FGF14: variants seen among roughly 807,000 people sequenced by gnomAD.
FGF14 encodes the protein fibroblast growth factor homologous factor 4.
A neutral mutation model predicts 25.5 loss-of-function variants in FGF14; 5 were observed. The ratio of observed to expected loss-of-function variants is 0.20; its 90% confidence interval spans 0.10 to 0.41. FGF14 has a LOEUF of 0.41. Ranked by LOEUF, FGF14 falls within the 10% of genes least tolerant of loss-of-function variation. The pLI is 1.00. For synonymous variants in FGF14, 138 were observed against 118.3 expected (o/e 1.17, Z -1.08); for missense variants, 222 against 320.1 (o/e 0.69, Z 2.34).
At chr13:102,287,034 G>A (rs1284914837) in intron 1 of FGF14, among the ~76,000 whole-genome samples, 3 of 152,040 alleles carry the variant, frequency 2.0e-5, no homozygotes, top group Non-Finnish European at 2.9e-5. Context: ...TGTAAATGAC[G>A]AGTTAATGGA....
At chr13:101,966,740 C>T (rs966522751) in intron 1 of FGF14, among the ~76,000 whole-genome samples, 2 of 152,124 alleles carry the variant, frequency 1.3e-5, no homozygotes, top group Non-Finnish European at 2.9e-5. Flanking sequence ...CTCGGCCTCC[C>T]TAAGTGCTGG....
intron 1 of FGF14, among the ~76,000 whole-genome samples, chr13:101,953,335 C>T (rs113140157): frequency 0.019 from 2,837 of 152,128 alleles, 35 homozygotes; most frequent in Non-Finnish European, 0.03. Context: ...CAGTTGTCAA[C>T]TCTCTCTACT....
At chr13:101,742,965 C>T (rs929214040) in intron 3 of FGF14, among the ~76,000 whole-genome samples, 7 of 152,158 alleles carry the variant, frequency 4.6e-5, no homozygotes, top group Admixed American at 4.6e-4. Context: ...ATTGTGCATT[C>T]ACTGAAAGGC....
At chr13:101,882,549 T>TG (rs975139545) in intron 1 of FGF14, among the ~76,000 whole-genome samples, 3 of 130,434 alleles carry the variant, frequency 2.3e-5, no homozygotes, top group African/African-American at 9.6e-5. Context: ...ATATATTTTC[T>TG]GTTTTTTTTT....
chr13:101,775,263 T>G (rs1296011052), intron 3 of FGF14, among the ~76,000 whole-genome samples: 1 of 152,176 alleles, frequency 6.6e-6, no homozygotes, highest in African/African-American at 2.4e-5. Flanking sequence ...TATTTTCATT[T>G]TGGCACTTCT....
chr13:102,294,868 G>A (rs781155312), intron 1 of FGF14, among the ~76,000 whole-genome samples: 5 of 152,144 alleles, frequency 3.3e-5, no homozygotes, highest in African/African-American at 4.8e-5. Context: ...ACCTCCTGAG[G>A]TTACCGTGAG....
intron 1 of FGF14, among the ~76,000 whole-genome samples, chr13:102,319,102 T>C (rs891444815): frequency 6.6e-6 from 1 of 152,192 alleles, no homozygotes. Context: ...AGGCTCTGAA[T>C]TTGAAGTTGG....
At chr13:101,914,807 T>C (rs1329015505) in intron 1 of FGF14, among the ~76,000 whole-genome samples, 2 of 152,196 alleles carry the variant, frequency 1.3e-5, no homozygotes, top group Non-Finnish European at 2.9e-5. Flanking sequence ...ATTTACTTTA[T>C]GTAGACAGCC....
At chr13:102,044,158 C>T (rs376451656) in intron 1 of FGF14, among the ~76,000 whole-genome samples, 1 of 152,230 alleles carries the variant, frequency 6.6e-6, no homozygotes, top group African/African-American at 2.4e-5. Context: ...GGTCAAGACC[C>T]GGTTGGCCAG....
rs141187220 is a variant in FGF14, at chr13:102,105,300, C to T, written c.209-230004G>A. 2.6e-5 allele frequency among the ~76,000 whole-genome samples: 4 copies of T among 152,284 alleles called. No individual in the cohort carries two copies. In the East Asian group the frequency reaches 7.7e-4, roughly 29 times the overall value. On this transcript the variant is annotated intron_variant, in intron 1 of 4. Transcript: ENST00000376131. ...ATTTTTTTAAGAGAAAAGAAGAAAA[C>T]TGCTGCCAGTATTAAGTAGGTCTAG...
chr13:102,344,628 A>G (rs1457479612), intron 1 of FGF14, among the ~76,000 whole-genome samples: 1 of 152,192 alleles, frequency 6.6e-6, no homozygotes, highest in African/African-American at 2.4e-5. Flanking sequence ...ACTGCCTGTC[A>G]GTCTCTGGAT....
intron 1 of FGF14, among the ~76,000 whole-genome samples, chr13:102,190,902 C>T (rs1387384439): frequency 6.6e-6 from 1 of 152,128 alleles, no homozygotes; most frequent in Admixed American, 6.5e-5. Context: ...GCCCTACTCC[C>T]ATCCTCTCTT....
intron 1 of FGF14, among the ~76,000 whole-genome samples, chr13:101,904,522 T>C (rs2031993741): frequency 6.6e-6 from 1 of 152,188 alleles, no homozygotes; most frequent in Non-Finnish European, 1.5e-5. Flanking sequence ...GTTTCCTTTT[T>C]TAAAAAGTGA....
intron 1 of FGF14, among the ~76,000 whole-genome samples, chr13:102,205,727 G>T (rs2049876577): frequency 7.1e-6 from 1 of 140,578 alleles, no homozygotes; most frequent in South Asian, 2.3e-4. Flanking sequence ...CCCCGAGAAA[G>T]GTTGAGAGAC....
intron 3 of FGF14, among the ~76,000 whole-genome samples, chr13:101,792,697 G>C (rs1594267129): frequency 6.6e-6 from 1 of 152,120 alleles, no homozygotes; most frequent in East Asian, 1.9e-4. Flanking sequence ...CATTTTTGTT[G>C]TTTTAACCAA....
At chr13:101,935,667 T>A (rs532683222) in intron 1 of FGF14, among the ~76,000 whole-genome samples, 3 of 152,146 alleles carry the variant, frequency 2.0e-5, no homozygotes, top group Middle Eastern at 3.4e-3. Context: ...GAACCATGAG[T>A]CAATTAAACC....
At chr13:101,880,617 C>G (rs1033367146) in intron 1 of FGF14, among the ~76,000 whole-genome samples, 2 of 152,112 alleles carry the variant, frequency 1.3e-5, no homozygotes, top group African/African-American at 4.8e-5. Flanking sequence ...CCAAACAGCT[C>G]TTGCCCTCAA....
At chr13:102,356,868 C>A in intron 1 of FGF14, among the ~76,000 whole-genome samples, 1 of 148,940 alleles carries the variant, frequency 6.7e-6, no homozygotes. Context: ...ATAATTATAA[C>A]TTATTAAGTA....
At chr13:102,368,512 C>A (rs776244268) in intron 1 of FGF14, among the ~76,000 whole-genome samples, 95 of 152,110 alleles carry the variant, frequency 6.2e-4, no homozygotes, top group Admixed American at 2.0e-4. Context: ...TTCCCCTCAT[C>A]GGACCTTCTC....
Sources: gnomAD v4.1 joint callset for allele counts (sites outside exome capture counted in the v4.1 genomes callset) on GRCh38, gnomAD v4.1.1 for gene constraint, MANE v1.5 for transcripts, NCBI Gene and HGNC (gene_info 2026-07-23, HGNC 2026-07-21) for gene names.